Variants in USP25 observed in about 807,000 individuals in gnomAD.
The protein encoded by USP25 is ubiquitin carboxyl-terminal hydrolase 25.
Under a neutral mutation model 158.5 loss-of-function variants are expected in USP25, and 85 were observed. The ratio of observed to expected loss-of-function variants is 0.54; its 90% CI spans 0.45 to 0.64. The LOEUF (loss-of-function observed/expected upper bound fraction) is 0.64. Among genes scored for constraint, USP25 ranks in the 30% least tolerant of loss-of-function variants. The pLI is 0.00. For synonymous variants in USP25, 464 were observed against 460.4 expected, an observed-to-expected ratio of 1.01 and a Z score of -0.10; for missense variants, 1,242 against 1,327.3, an observed-to-expected ratio of 0.94 and a Z score of 1.00.
chr21:15,827,278 C>T, intron 14 of USP25, 75 bp downstream of exon 14: 1 of 1,213,960 alleles, frequency 8.2e-7, no homozygotes, highest in African/African-American at 1.5e-5. Context: ...GAAGGGAAAT[C>T]ACGTCTGGAT....
intron 3 of USP25, among the ~76,000 whole-genome samples, chr21:15,767,505 G>T (rs17241430): frequency 0.076 from 11,563 of 152,056 alleles, 492 homozygotes; most frequent in East Asian, 0.092. Context: ...ACTGAGTTAT[G>T]TTTGATAATA....
intron 1 of USP25, among the ~76,000 whole-genome samples, chr21:15,731,271 A>T (rs2030867341): frequency 6.6e-6 from 1 of 152,224 alleles, no homozygotes; most frequent in South Asian, 2.1e-4. Flanking sequence ...TCTGAAGAGT[A>T]GTTGGCCATG....
chr21:15,791,636 A>G lies in USP25; in HGVS notation c.527A>G (p.Asn176Ser), dbSNP rs1257328910. ...CCCGTTGGGCTAAAGAATGTTGGCA[A>G]TACTTGTTGGTTTAGTGCTGTTATT... is the stretch of plus-strand genomic sequence containing the variant. The part of the protein sequence containing the change: ...KAPVGLKNVG[N>S]TCWFSAVIQS... The change falls in exon 5 of 26, where the codon AAT (asparagine) becomes AGT (serine). Residue 176 changes from asparagine to serine, a missense_variant. Asn to Ser is a conservative substitution (Grantham distance 46). Transcript: ENST00000400183. 5.0e-6 allele frequency: 8 copies of G among 1,610,858 alleles called. No homozygotes were observed. The highest frequency in any genetic ancestry group is 1.7e-5 in the Admixed American group (1 of 59,794).
intron 11 of USP25, among the ~76,000 whole-genome samples, chr21:15,824,529 T>TCTGTCTTC (rs2037396455): frequency 6.9e-6 from 1 of 144,684 alleles, no homozygotes; most frequent in African/African-American, 2.9e-5. Context: ...TTTCTGTCTC[T>TCTGTCTTC]CTGTCTTCCT....
At chr21:15,750,912 C>T (rs1472135778) in intron 1 of USP25, among the ~76,000 whole-genome samples, 1 of 152,184 alleles carries the variant, frequency 6.6e-6, no homozygotes, top group Non-Finnish European at 1.5e-5. Context: ...GCCACCGCGC[C>T]TGGCCCTTTT....
intron 17 of USP25, among the ~76,000 whole-genome samples, chr21:15,835,557 G>A (rs915119576): frequency 1.3e-5 from 2 of 151,978 alleles, no homozygotes; most frequent in East Asian, 1.9e-4. Context: ...GCAGTACTAG[G>A]TATTGGACAT....
At chr21:15,827,416 T>G (rs963472740) in intron 14 of USP25, among the ~76,000 whole-genome samples, 1 of 152,186 alleles carries the variant, frequency 6.6e-6, no homozygotes, top group Admixed American at 6.5e-5. Context: ...CTGGATTGCT[T>G]AGCTGATTAA....
chr21:15,730,226 C>G lies in USP25; in HGVS notation c.-168C>G. On this transcript the variant is annotated 5_prime_UTR_variant, in exon 1 of 26. Transcript: ENST00000400183. ...GGCGTTTCGCCGCCTGCCCGCGGTG[C>G]CCGCGCACGCCGGCCGCCATCGCCT... 2.8e-6 allele frequency: 2 copies of G among 718,390 alleles called. No homozygotes were observed. Among genetic ancestry groups the G allele is most frequent in the Non-Finnish European group, 3.4e-6 (2 of 587,306 alleles). 44.5% of individuals were successfully genotyped at this position (718,390 alleles called of 1,614,324 possible).
At chr21:15,741,133 T>A (rs754033793) in intron 1 of USP25, among the ~76,000 whole-genome samples, 1 of 89,748 alleles carries the variant, frequency 1.1e-5, no homozygotes, top group East Asian at 3.2e-4. Flanking sequence ...TTATACCAAA[T>A]TTTTTTTTTT....
At chr21:15,824,366 T>C (rs2037384172) in intron 11 of USP25, among the ~76,000 whole-genome samples, 200 bp downstream of exon 11, 2 of 152,296 alleles carry the variant, frequency 1.3e-5, no homozygotes, top group Non-Finnish European at 2.9e-5. Context: ...ATAAGGAAAT[T>C]TAAAAAAGAT....
chr21:15,865,536 C>T (rs1187842467), intron 21 of USP25, among the ~76,000 whole-genome samples: 1 of 152,146 alleles, frequency 6.6e-6, no homozygotes, highest in African/African-American at 2.4e-5. Context: ...ATATTAGTAG[C>T]AGTGTGGACA....
intron 3 of USP25, 125 bp from the exon 4 acceptor site, chr21:15,777,779 T>C: frequency 1.2e-6 from 1 of 826,068 alleles, no homozygotes. Context: ...AGATAGGCTT[T>C]TAGAAATACA....
chr21:15,800,064 G>T (rs2036055247), intron 6 of USP25, among the ~76,000 whole-genome samples: 1 of 151,036 alleles, frequency 6.6e-6, no homozygotes, highest in African/African-American at 2.4e-5. Context: ...AATTTTTGGT[G>T]TCGCTTTAGT....
intron 23 of USP25, 63 bp downstream of exon 23, chr21:15,870,210 G>T: frequency 2.7e-6 from 3 of 1,098,348 alleles, no homozygotes; most frequent in South Asian, 3.1e-5. Flanking sequence ...ATTCAGGTGT[G>T]ACCTCATCCA....
chr21:15,767,149 C>T (rs1053520260), intron 3 of USP25, among the ~76,000 whole-genome samples: 2 of 152,002 alleles, frequency 1.3e-5, no homozygotes, highest in Non-Finnish European at 2.9e-5. Flanking sequence ...TGACTGGGCC[C>T]CCATCCACAT....
chr21:15,814,350 C>T (rs144432814), intron 9 of USP25, among the ~76,000 whole-genome samples: 15 of 151,572 alleles, frequency 9.9e-5, no homozygotes, highest in East Asian at 4.0e-4. Context: ...AAATTGGGTC[C>T]GGTAGAGTAG....
intron 20 of USP25, among the ~76,000 whole-genome samples, chr21:15,855,884 G>C (rs1450619316): frequency 6.6e-6 from 1 of 152,150 alleles, no homozygotes; most frequent in Non-Finnish European, 1.5e-5. Context: ...TAGTTTTCTT[G>C]TTGGCCTTTA....
intron 1 of USP25, among the ~76,000 whole-genome samples, chr21:15,748,497 G>A (rs1456298966): frequency 8.0e-5 from 10 of 125,480 alleles, no homozygotes; most frequent in Non-Finnish European, 1.3e-4. Context: ...ATGGGGTCTC[G>A]CTCTGTTTCC....
At chr21:15,759,765 C>G (rs530319433) in intron 1 of USP25, among the ~76,000 whole-genome samples, 1 of 152,268 alleles carries the variant, frequency 6.6e-6, no homozygotes, top group African/African-American at 2.4e-5. Flanking sequence ...GTCTACCCCC[C>G]ACTTCCAGTC....
Sources: gnomAD v4.1 joint callset for allele counts (sites outside exome capture counted in the v4.1 genomes callset) on GRCh38, gnomAD v4.1.1 for gene constraint, MANE v1.5 for transcripts, NCBI Gene and HGNC (gene_info 2026-07-23, HGNC 2026-07-21) for gene names.